Variants in NR4A3 observed in about 807,000 individuals in gnomAD.
The protein encoded by NR4A3 is nuclear receptor subfamily 4 group A member 3.
Under a neutral mutation model 55.6 loss-of-function variants are expected in NR4A3, and 13 were observed. That is an observed-to-expected ratio of 0.23 (90% confidence interval 0.15 to 0.37). The LOEUF is 0.37. NR4A3 is among the 10% of genes least tolerant of loss of function. The pLI is 1.00. For synonymous variants in NR4A3, 342 were observed against 357.9 expected, an observed-to-expected ratio of 0.96 and a Z score of 0.50; for missense variants, 646 against 822.8, an observed-to-expected ratio of 0.79 and a Z score of 2.63.
Position 99,860,510 on chromosome 9 carries a change from T to A in NR4A3, c.1634-3110T>A, listed in dbSNP as rs1429295312. ...ATGAACGATTTATAGCTCTTGAAAT[T>A]TACTGCCAAATTTACAGCCTGTTCT... On this transcript the variant is annotated intron_variant, in intron 7 of 7. Coordinates refer to ENST00000395097, the MANE Select transcript of NR4A3 (RefSeq NM_006981.4). 4.3e-4 allele frequency among the ~76,000 whole-genome samples: 66 copies of A among 152,216 alleles called. 1 individual carries two copies. The highest frequency in any genetic ancestry group is 4.3e-3 in the Admixed American group (66 of 15,284).
chr9:99,833,178 T>C (rs1405512627), intron 4 of NR4A3, 104 bp from the exon 5 acceptor site: 1 of 1,405,898 alleles, frequency 7.1e-7, no homozygotes, highest in Non-Finnish European at 9.6e-7. Flanking sequence ...GTTGGTCTCA[T>C]TAATGATTGC....
chr9:99,829,902 G>A (rs563057538), intron 3 of NR4A3, among the ~76,000 whole-genome samples: 2 of 152,302 alleles, frequency 1.3e-5, no homozygotes, highest in South Asian at 2.1e-4. Flanking sequence ...TGTAAGCAGT[G>A]ATTTAACTGC....
chr9:99,862,549 C>CAAAAAAAAAAAAAAAAAA lies in NR4A3; in HGVS notation c.1634-1054_1634-1037dup, dbSNP rs59274273. On this transcript the variant is annotated intron_variant, in intron 7 of 7. Coordinates refer to ENST00000395097, the MANE Select transcript of NR4A3 (RefSeq NM_006981.4). ...TAGGCAACAGAGTAAGACTCTGTCT[C>CAAAAAAAAAAAAAAAAAA]AAAAAAAAAAAAAAAAAAAAAAAAA... Among the ~76,000 whole-genome samples, 157 of 72,788 alleles carry CAAAAAAAAAAAAAAAAAA rather than the reference C, an allele frequency of 2.2e-3. 7 individuals carry two copies. The highest frequency in any genetic ancestry group is 2.4e-3 in the African/African-American group (37 of 15,250). The allele number at this position is 72,788 out of a possible 152,430, so 47.8% of individuals were successfully genotyped here.
chr9:99,841,720 G>C (rs1435922710), intron 5 of NR4A3, among the ~76,000 whole-genome samples: 1 of 152,074 alleles, frequency 6.6e-6, no homozygotes, highest in African/African-American at 2.4e-5. Flanking sequence ...TTCAAGACCA[G>C]TGTAGGCAAT....
chr9:99,843,476 C>T (rs72744687), intron 5 of NR4A3, among the ~76,000 whole-genome samples: 3,279 of 152,228 alleles, frequency 0.022, 64 homozygotes, highest in Non-Finnish European at 0.03. Context: ...ATTATTTCTG[C>T]GATTCTCAAA....
chr9:99,852,895 C>A (rs1373949195), intron 7 of NR4A3, among the ~76,000 whole-genome samples: 1 of 152,206 alleles, frequency 6.6e-6, no homozygotes, highest in Non-Finnish European at 1.5e-5. Context: ...TACCTGGTTA[C>A]CCCTGCTTTT....
intron 2 of NR4A3, 118 bp from the exon 3 acceptor site, chr9:99,827,923 A>C: frequency 3.3e-6 from 4 of 1,203,124 alleles, no homozygotes; most frequent in African/African-American, 1.5e-5. Context: ...CAGAAGGAGG[A>C]GAGGATGACA....
chr9:99,838,650 A>G (rs1245541566), intron 5 of NR4A3, among the ~76,000 whole-genome samples: 1 of 152,216 alleles, frequency 6.6e-6, no homozygotes, highest in Non-Finnish European at 1.5e-5. Flanking sequence ...TAGTTCCACT[A>G]TGAGTACAGG....
At position 99,847,906 on chromosome 9, in the gene NR4A3, C is replaced by T. The variant is rs186439701; in HGVS notation, c.1633+291C>T. ...CTGTGGACAGTGGGACTAGCTGCTT[C>T]AGGGTTTGTTTGTTTTGAGACAGGG... On this transcript the variant is annotated intron_variant, in intron 7 of 7. Coordinates refer to ENST00000395097, the MANE Select transcript of NR4A3 (RefSeq NM_006981.4). 4.4e-3 allele frequency among the ~76,000 whole-genome samples: 671 copies of T among 152,266 alleles called. 2 individuals carry two copies. Among genetic ancestry groups the T allele is most frequent in the Non-Finnish European group, 8.1e-3 (554 of 68,020 alleles).
intron 5 of NR4A3, 138 bp from the exon 6 acceptor site, chr9:99,844,511 A>T (rs1382397171): frequency 3.1e-6 from 2 of 648,832 alleles, no homozygotes; most frequent in Non-Finnish European, 5.4e-6. Flanking sequence ...GAGACTGTGA[A>T]TGTGAAGGGG....
chr9:99,824,722 C>G (rs577122476), intron 1 of NR4A3, among the ~76,000 whole-genome samples: 4 of 152,362 alleles, frequency 2.6e-5, no homozygotes, highest in African/African-American at 9.6e-5. Flanking sequence ...GCTGCGCCCA[C>G]CCCGGGCAAA....
chr9:99,848,839 C>A (rs929553541), intron 7 of NR4A3, among the ~76,000 whole-genome samples: 1 of 152,156 alleles, frequency 6.6e-6, no homozygotes, highest in Non-Finnish European at 1.5e-5. Flanking sequence ...GCTCCCTTTG[C>A]CCCGGGGGAG....
Position 99,866,268 on chromosome 9 carries a change from C to T in NR4A3, c.*2401C>T. On this transcript the variant is annotated 3_prime_UTR_variant, in exon 8 of 8. Coordinates refer to ENST00000395097, the MANE Select transcript of NR4A3 (RefSeq NM_006981.4). ...GTGCATACATAACCTTCTTGTGCAC[C>T]ATGAGTATTTGGAAAGTTAATCCTT... 4.5e-6 allele frequency: 1 copy of T among 220,676 alleles called. No homozygotes were observed. The highest frequency in any genetic ancestry group is 9.1e-6 in the Non-Finnish European group (1 of 110,096). The allele number at this position is 220,676 out of a possible 1,614,324, so 13.7% of individuals were successfully genotyped here.
At chr9:99,845,862 G>T (rs944225261) in intron 6 of NR4A3, among the ~76,000 whole-genome samples, 1 of 152,224 alleles carries the variant, frequency 6.6e-6, no homozygotes. Context: ...ATCAGTAGGA[G>T]AGATGGGGTG....
In NR4A3 at chr9:99,828,730, G is replaced by A; in HGVS notation, c.688G>A (p.Ala230Thr). The A allele has an allele frequency of 7.7e-7, 1 of 1,304,478 alleles. No homozygotes were observed. The allele number at this position is 1,304,478 out of a possible 1,614,324, so 80.8% of individuals were successfully genotyped here. ...ALSLPLGAAA[A>T]AGSQAAALES... The stretch of plus-strand genomic sequence containing the variant: ...CAGCCTGCCGCTGGGAGCCGCAGCC[G>A]CCGCGGGCAGCCAGGCCGCCGCGCT... The change falls in exon 3 of 8, where the codon GCC becomes ACC. Residue 230 changes from alanine (A) to threonine (T), a missense_variant. Physicochemically the swap from Ala to Thr is moderately conservative, Grantham distance 58. Around this residue, in one of 5 missense-constraint regions of NR4A3, gnomAD observed 426 missense variants for 429.4 expected, o/e 0.99. Coordinates refer to ENST00000395097, the MANE Select transcript of NR4A3 (RefSeq NM_006981.4). The surrounding 1 kb of genome is among the most constrained non-coding windows in gnomAD (Gnocchi z 7.7).
chr9:99,827,821 C>G (rs1827332194), intron 2 of NR4A3, among the ~76,000 whole-genome samples: 1 of 152,156 alleles, frequency 6.6e-6, no homozygotes, highest in Non-Finnish European at 1.5e-5. Context: ...CAGGAGTCCA[C>G]AGGAGGCCAG....
chr9:99,864,022 T>C lies in NR4A3; in HGVS notation c.*155T>C. 5 of 874,194 alleles carry C rather than the reference T, an allele frequency of 5.7e-6. No homozygotes were observed. The South Asian group carries it at 7.3e-5, about 13-fold the overall frequency. The allele number at this position is 874,194 out of a possible 1,614,324, so 54.2% of individuals were successfully genotyped here. A position where few individuals can be genotyped will look rare whatever the true frequency, so the allele number is the denominator to read the frequency against. On this transcript the variant is annotated 3_prime_UTR_variant, in exon 8 of 8. Coordinates refer to ENST00000395097, the MANE Select transcript of NR4A3 (RefSeq NM_006981.4). ...AGACTTTCTTTTTTTTCTGGCTCTTTTCCTTACAACCTAAAGCCAGAAAAC... is the reference window on the plus strand; with the variant it reads ...AGACTTTCTTTTTTTTCTGGCTCTTCTCCTTACAACCTAAAGCCAGAAAAC...
chr9:99,851,694 C>T (rs767896998), intron 7 of NR4A3, among the ~76,000 whole-genome samples: 3 of 152,158 alleles, frequency 2.0e-5, no homozygotes, highest in Non-Finnish European at 4.4e-5. Flanking sequence ...GGCTTTCAAA[C>T]GTTTTTCAGG....
chr9:99,853,209 C>G (rs982174241), intron 7 of NR4A3, among the ~76,000 whole-genome samples: 1 of 152,062 alleles, frequency 6.6e-6, no homozygotes, highest in East Asian at 1.9e-4. Flanking sequence ...CAAACCTTCA[C>G]TGTTATTATT....
Sources: allele counts gnomAD v4.1 joint callset (sites outside exome capture counted in the v4.1 genomes callset), GRCh38; gene constraint gnomAD v4.1.1; regional missense constraint gnomAD v4.1.1; non-coding constraint Gnocchi (gnomAD v3.1); transcripts MANE v1.5; gene names NCBI Gene and HGNC (gene_info 2026-07-23, HGNC 2026-07-21).